The following SPTBN1 variants were observed in gnomAD, a reference collection of about 807,000 sequenced individuals.
The protein encoded by SPTBN1 is spectrin beta, non-erythrocytic 1, also known as spectrin beta chain, non-erythrocytic 1.
SPTBN1 carries 32 observed loss-of-function variants against 266.4 expected under a neutral mutation model. The ratio of observed to expected loss-of-function variants is 0.12; its 90% CI spans 0.09 to 0.16. The LOEUF is 0.16. SPTBN1 is among the 10% of genes least tolerant of loss of function. SPTBN1 has a pLI of 1.00. For synonymous variants in SPTBN1, 1,336 were observed against 1,162.2 expected (o/e 1.15, Z -3.04); for missense variants, 2,296 against 3,067.1 (o/e 0.75, Z 5.94).
intron 32 of SPTBN1, chr2:54,663,856 GT>G (rs1681203559): frequency 1.3e-5 from 2 of 152,354 alleles, no homozygotes; most frequent in Admixed American, 1.3e-4. Flanking sequence ...AACTGGGATG[GT>G]AGATGTGAAA....
intron 1 of SPTBN1, among the ~76,000 whole-genome samples, chr2:54,478,066 A>T (rs923782428): frequency 6.6e-6 from 1 of 152,210 alleles, no homozygotes; most frequent in African/African-American, 2.4e-5. Flanking sequence ...TCACAAAAAC[A>T]TACATTAAGA....
chr2:54,559,556 AT>A (rs1354321450), intron 2 of SPTBN1, among the ~76,000 whole-genome samples: 1 of 152,110 alleles, frequency 6.6e-6, no homozygotes, highest in Non-Finnish European at 1.5e-5. Flanking sequence ...TGAGTCCAAT[AT>A]TTTACTGAAC....
intron 1 of SPTBN1, among the ~76,000 whole-genome samples, chr2:54,458,168 T>G (rs1460133551): frequency 6.6e-6 from 1 of 152,266 alleles, no homozygotes; most frequent in Non-Finnish European, 1.5e-5. Flanking sequence ...CTGTCTTTGG[T>G]TAATACCAAG....
intron 1 of SPTBN1, among the ~76,000 whole-genome samples, chr2:54,514,050 G>A (rs1023347604): frequency 6.6e-6 from 1 of 152,176 alleles, no homozygotes; most frequent in Non-Finnish European, 1.5e-5. Flanking sequence ...AGTAAAGAAG[G>A]ATAAATTTCT....
chr2:54,527,641 G>A (rs1310279393), intron 2 of SPTBN1: 2 of 152,306 alleles, frequency 1.3e-5, no homozygotes, highest in South Asian at 2.1e-4. Flanking sequence ...TTATTTTCTA[G>A]TGCAGGCTCT....
At chr2:54,578,887 T>C (rs1674682071) in intron 2 of SPTBN1, among the ~76,000 whole-genome samples, 1 of 152,118 alleles carries the variant, frequency 6.6e-6, no homozygotes, top group East Asian at 1.9e-4. Context: ...GGGTTTGTTC[T>C]CTTCTATGCC....
intron 1 of SPTBN1, among the ~76,000 whole-genome samples, chr2:54,457,792 C>T (rs1286110941): frequency 6.6e-6 from 1 of 152,240 alleles, no homozygotes; most frequent in Non-Finnish European, 1.5e-5. Context: ...TCAGGAGGAC[C>T]AGGTCAGCTA....
intron 1 of SPTBN1, among the ~76,000 whole-genome samples, chr2:54,486,195 C>T (rs1434386673): frequency 4.6e-5 from 7 of 151,808 alleles, no homozygotes; most frequent in Non-Finnish European, 7.4e-5. Flanking sequence ...CCCCTCTGCC[C>T]GGCCACCACC....
intron 1 of SPTBN1, among the ~76,000 whole-genome samples, chr2:54,508,417 G>A (rs1352593024): frequency 6.6e-6 from 1 of 152,192 alleles, no homozygotes; most frequent in Non-Finnish European, 1.5e-5. Context: ...GGGGGCCTGA[G>A]AAATTCTTGA....
chr2:54,481,955 T>C (rs1269253340), intron 1 of SPTBN1, among the ~76,000 whole-genome samples: 1 of 152,200 alleles, frequency 6.6e-6, no homozygotes, highest in Non-Finnish European at 1.5e-5. Context: ...TTCTGAGCTG[T>C]CTCTTTTCCT....
At chr2:54,586,627 A>G (rs368119428) in intron 2 of SPTBN1, among the ~76,000 whole-genome samples, 1 of 152,240 alleles carries the variant, frequency 6.6e-6, no homozygotes, top group Non-Finnish European at 1.5e-5. Context: ...CTGTGCATGC[A>G]TAGTAGACAG....
intron 3 of SPTBN1, among the ~76,000 whole-genome samples, chr2:54,599,866 T>C (rs929710199): frequency 2.6e-5 from 4 of 152,212 alleles, no homozygotes; most frequent in African/African-American, 9.6e-5. Flanking sequence ...CCCTCTCTGA[T>C]GTGACTCTTG....
chr2:54,495,159 A>G (rs1668896804), intron 1 of SPTBN1, among the ~76,000 whole-genome samples: 1 of 141,394 alleles, frequency 7.1e-6, no homozygotes, highest in Non-Finnish European at 1.6e-5. Flanking sequence ...TCTGAGAATC[A>G]TAGGAGGTTG....
chr2:54,617,373 C>A (rs1677675849), intron 5 of SPTBN1, among the ~76,000 whole-genome samples: 1 of 152,202 alleles, frequency 6.6e-6, no homozygotes, highest in Admixed American at 6.5e-5. Flanking sequence ...CAGTTCACAT[C>A]TTTTGTGAGA....
chr2:54,506,066 G>C (rs1340374084), intron 1 of SPTBN1, among the ~76,000 whole-genome samples: 1 of 152,124 alleles, frequency 6.6e-6, no homozygotes, highest in East Asian at 1.9e-4. Flanking sequence ...GGAGCTTGCA[G>C]TGAGCCAAGA....
chr2:54,467,481 G>A (rs946990002), intron 1 of SPTBN1, among the ~76,000 whole-genome samples: 2 of 151,990 alleles, frequency 1.3e-5, no homozygotes, highest in Non-Finnish European at 2.9e-5. Context: ...TGCAACCTCC[G>A]CCTCCCAGGT....
At chr2:54,546,341 T>TGGG (rs1672237156) in intron 2 of SPTBN1, 1 of 152,190 alleles carries the variant, frequency 6.6e-6, no homozygotes, top group African/African-American at 2.4e-5. Flanking sequence ...TAGTTGATGA[T>TGGG]GGGGGTATCA....
chr2:54,602,334 T>C (rs191021595), intron 3 of SPTBN1, among the ~76,000 whole-genome samples: 1 of 152,260 alleles, frequency 6.6e-6, no homozygotes, highest in African/African-American at 2.4e-5. Flanking sequence ...GAATGAGGCT[T>C]GAGGGGTGAT....
chr2:54,612,756 T>A lies in SPTBN1; in HGVS notation c.474+422T>A, dbSNP rs191221152. ...CAACTATGACATGTGTTACAGAACA[T>A]TTTTTGGCAAAGCTGTTGAGGGTTA... is the stretch of plus-strand genomic sequence containing the variant. On this transcript the variant is annotated intron_variant, in intron 4 of 35. Coordinates refer to ENST00000356805, the MANE Select transcript of SPTBN1 (RefSeq NM_003128.3). Among the ~76,000 whole-genome samples the A allele has an allele frequency of 9.3e-4, 142 of 152,230 alleles. No homozygotes were observed. The Middle Eastern group carries it at 0.01, about 11-fold the overall frequency.
Sources: allele counts gnomAD v4.1 joint callset (sites outside exome capture counted in the v4.1 genomes callset), GRCh38; gene constraint gnomAD v4.1.1; transcripts MANE v1.5; gene names NCBI Gene and HGNC (gene_info 2026-07-23, HGNC 2026-07-21).